C19orf47: variants seen among roughly 807,000 people sequenced by gnomAD.
C19orf47 encodes chromosome 19 open reading frame 47.
A neutral mutation model predicts 32.3 loss-of-function variants in C19orf47; 18 were observed. That is an observed-to-expected ratio of 0.56 (90% confidence interval 0.39 to 0.83). The LOEUF (loss-of-function observed/expected upper bound fraction) is 0.83, where lower values mean the gene tolerates loss of function less well. Ranked by LOEUF, C19orf47 falls within the 40% of genes least tolerant of loss-of-function variation. The pLI, the probability that C19orf47 is intolerant of heterozygous loss-of-function variation, is 0.00. For synonymous variants in C19orf47, 202 were observed against 211.1 expected (o/e 0.96, Z 0.37); for missense variants, 484 against 531.6 (o/e 0.91, Z 0.88).
rs2077688109 is a variant in C19orf47 at position 40,319,586 on chromosome 19, G to A, written c.*2296C>T. 2 of 142,904 alleles carry A rather than the reference G, an allele frequency of 1.4e-5. No homozygotes were observed. Among genetic ancestry groups the A allele is most frequent in the East Asian group, 4.2e-4 (2 of 4,800 alleles). The allele number at this position is 142,904 out of a possible 1,614,324, so 8.9% of individuals were successfully genotyped here. On this transcript the variant is annotated 3_prime_UTR_variant, in exon 9 of 9. Transcript: ENST00000683109. ...GAGTCTCGCTCTTGTTGCCTAGGCT[G>A]GAGTGCAGTGGCACGATCTCAGCTC...
intron 1 of C19orf47, chr19:40,343,795 AT>A (rs57699777): frequency 0.013 from 1,802 of 135,828 alleles, 21 homozygotes; most frequent in African/African-American, 0.032. Context: ...CTTCTGCTCA[AT>A]TTTTTTTTTT....
chr19:40,311,629 A>G, the C19orf47 span, among the ~76,000 whole-genome samples: 1 of 152,206 alleles, frequency 6.6e-6, no homozygotes, highest in East Asian at 1.9e-4. Flanking sequence ...ACAGGCTCAC[A>G]CTTCCTTCAG....
At position 40,330,540 on chromosome 19, in the gene C19orf47, CTTTTTTTTTTTTT is replaced by C. The variant is rs398034615; in HGVS notation, c.302-2003_302-1991del. On this transcript the variant is annotated intron_variant, in intron 5 of 8. Transcript: ENST00000683109. ...GGCGTGAGCCACCATACCCGGCCCT[CTTTTTTTTTTTTT>C]TTTTTTTTTTTGAGACAGGGTCCCA... Among the ~76,000 whole-genome samples the C allele has an allele frequency of 1.9e-4, 12 of 64,598 alleles. No individual in the cohort carries two copies. In the Admixed American group the frequency reaches 3.0e-3, roughly 16 times the overall value. 42.4% of individuals were successfully genotyped at this position (64,598 alleles called of 152,430 possible). A position where few individuals can be genotyped will look rare whatever the true frequency, so the allele number is the denominator to read the frequency against.
At chr19:40,324,219 C>G (rs1002139082) in intron 7 of C19orf47, 143 bp from the exon 8 acceptor site, 1 of 786,602 alleles carries the variant, frequency 1.3e-6, no homozygotes, top group Non-Finnish European at 2.2e-6. Flanking sequence ...GTTATGTCTA[C>G]ACTGTTGGCT....
Position 40,322,106 on chromosome 19 carries a change from T to G in C19orf47, c.934A>C (p.Lys312Gln), listed in dbSNP as rs752343054. Residue 312 changes from lysine (K) to glutamine (Q), a missense_variant, in exon 9 of 9, where the codon AAA becomes CAA. By Grantham distance (53) the Lys-to-Gln change is moderately conservative. Coordinates refer to ENST00000683109, the MANE Select transcript of C19orf47 (RefSeq NM_001256441.2). ...GLERKPESLS[K>Q]VSIIKRLGAA... ...CCCAGTCTCTTGATGATGCTGACTT[T>G]AGACAAGGACTCCGGCTTCCTCTCA... The G allele has an allele frequency of 2.0e-5, 33 of 1,614,042 alleles. 1 individual carries two copies. In the Admixed American group the frequency reaches 5.5e-4, roughly 27 times the overall value.
Position 40,333,911 on chromosome 19 carries a change from T to C in C19orf47, c.241A>G (p.Thr81Ala). ...CTAGGGCTGCAGGGTACTGACTCAG[T>C]GGCAGCTTTGCACATGTCCTGTGAA... ...VHRQDMCKAA[T>A]ESVPCSPSPL... Residue 81 changes from threonine to alanine, a missense_variant, in exon 5 of 9, where the codon ACT becomes GCT. This residue lies in a region of C19orf47 where 376 missense variants were observed against 370.2 expected (regional missense o/e 1.02). Coordinates refer to ENST00000683109, the MANE Select transcript of C19orf47 (RefSeq NM_001256441.2). The C allele has an allele frequency of 3.8e-6, 6 of 1,572,922 alleles. No individual in the cohort carries two copies. The highest frequency in any genetic ancestry group is 5.2e-6 in the Non-Finnish European group (6 of 1,157,774).
chr19:40,348,326 G>A lies in C19orf47; in HGVS notation c.-36C>T. 2.2e-6 allele frequency: 3 copies of A among 1,337,568 alleles called. No individual in the cohort carries two copies. The highest frequency in any genetic ancestry group is 1.5e-5 in the African/African-American group (1 of 64,734). The allele number at this position is 1,337,568 out of a possible 1,614,324, so 82.9% of individuals were successfully genotyped here. ...ACCACCCCCGGCCCGCGCCTCACCT[G>A]GCCCACCGGGCCCGCGCCCACTCGC... On this transcript the variant is annotated splice_region_variant and 5_prime_UTR_variant, in exon 1 of 9. Transcript: ENST00000683109.
At chr19:40,308,034 G>A in the C19orf47 span, among the ~76,000 whole-genome samples, 1 of 152,012 alleles carries the variant, frequency 6.6e-6, no homozygotes, top group Non-Finnish European at 1.5e-5. Flanking sequence ...CACAGCTGTA[G>A]GATCAAGCTC....
At chr19:40,294,648 T>G in the C19orf47 span, among the ~76,000 whole-genome samples, 4 of 152,228 alleles carry the variant, frequency 2.6e-5, no homozygotes, top group Admixed American at 6.5e-5. Context: ...AAAAACCAGA[T>G]GAGGTGCTCC....
chr19:40,336,006 C>A (rs2078057342), intron 4 of C19orf47, 104 bp downstream of exon 4: 2 of 967,008 alleles, frequency 2.1e-6, no homozygotes, highest in Non-Finnish European at 3.2e-6. Flanking sequence ...AGCCCTGGAA[C>A]CTGGGTCGGC....
intron 8 of C19orf47, among the ~76,000 whole-genome samples, chr19:40,322,931 A>G (rs1488825927): frequency 6.6e-6 from 1 of 152,222 alleles, no homozygotes; most frequent in Non-Finnish European, 1.5e-5. Flanking sequence ...GGAGAAGGAC[A>G]GCTGGAGGGC....
Position 40,341,901 on chromosome 19 carries a change from A to G in C19orf47, c.-33-11T>C. On this transcript the variant is annotated splice_polypyrimidine_tract_variant and intron_variant, in intron 1 of 8. Coordinates refer to ENST00000683109, the MANE Select transcript of C19orf47 (RefSeq NM_001256441.2). Reference sequence around the variant, plus strand: ...ACTGCTCCCTGGAGCCTGAAAGAGAAGAGAGGAGAGAGCCCATGAGCTGCT... The same window carrying G: ...ACTGCTCCCTGGAGCCTGAAAGAGAGGAGAGGAGAGAGCCCATGAGCTGCT... 1 of 1,536,194 alleles carries G rather than the reference A, an allele frequency of 6.5e-7. No individual in the cohort carries two copies. The highest frequency in any genetic ancestry group is 8.7e-7 in the Non-Finnish European group (1 of 1,146,870).
At chr19:40,294,948 C>T in the C19orf47 span, among the ~76,000 whole-genome samples, 4 of 152,230 alleles carry the variant, frequency 2.6e-5, no homozygotes, top group Admixed American at 6.5e-5. Flanking sequence ...CACAGATTAG[C>T]GGGTCAGTGA....
chr19:40,343,130 C>T lies in C19orf47; in HGVS notation c.-33-1240G>A, dbSNP rs547317922. Among the ~76,000 whole-genome samples the T allele has an allele frequency of 3.9e-5, 6 of 152,234 alleles. No individual in the cohort carries two copies. The South Asian group carries it at 1.2e-3, about 32-fold the overall frequency. On this transcript the variant is annotated intron_variant, in intron 1 of 8. Transcript: ENST00000683109. ...TGCCCTGGCCCAAACTTCCTTCCTACTTAGCCCTCTGCCTCTTCCCTGACC... is the reference window on the plus strand; with the variant it reads ...TGCCCTGGCCCAAACTTCCTTCCTATTTAGCCCTCTGCCTCTTCCCTGACC...
At chr19:40,300,550 G>A in the C19orf47 span, among the ~76,000 whole-genome samples, 22 of 152,122 alleles carry the variant, frequency 1.4e-4, no homozygotes, top group African/African-American at 5.1e-4. Context: ...AATGTTATAA[G>A]TCATAATTTT....
At chr19:40,342,898 G>A (rs2078205125) in intron 1 of C19orf47, among the ~76,000 whole-genome samples, 1 of 152,140 alleles carries the variant, frequency 6.6e-6, no homozygotes, top group South Asian at 2.1e-4. Flanking sequence ...TCACAGAAGT[G>A]GCGACCTGAT....
At chr19:40,293,351 G>A in the C19orf47 span, among the ~76,000 whole-genome samples, 33 of 151,902 alleles carry the variant, frequency 2.2e-4, 1 homozygote, top group African/African-American at 7.3e-4. Context: ...TCACTATTTT[G>A]CCCAGGCTAG....
the C19orf47 span, among the ~76,000 whole-genome samples, chr19:40,297,376 G>A: frequency 5.2e-4 from 79 of 152,056 alleles, no homozygotes; most frequent in Non-Finnish European, 9.3e-4. Flanking sequence ...GACCAGCCTG[G>A]CCAACATAGT....
rs550325912 is a variant in C19orf47 at position 40,344,092 on chromosome 19, A to T, written c.-33-2202T>A. Among the ~76,000 whole-genome samples the T allele has an allele frequency of 9.2e-5, 14 of 151,892 alleles. No individual in the cohort carries two copies. The East Asian group carries it at 2.7e-3, about 30-fold the overall frequency. ...ATTACAGGCACCTGGCCTTCTGCTC[A>T]ATCTCTTATTGATGAGTATGACCAC... On this transcript the variant is annotated intron_variant, in intron 1 of 8. Coordinates refer to ENST00000683109, the MANE Select transcript of C19orf47 (RefSeq NM_001256441.2).
Sources: gnomAD v4.1 joint callset for allele counts (sites outside exome capture counted in the v4.1 genomes callset) on GRCh38, gnomAD v4.1.1 for gene constraint, gnomAD v4.1.1 regional missense constraint, MANE v1.5 for transcripts, NCBI Gene and HGNC (gene_info 2026-07-23, HGNC 2026-07-21) for gene names.